Variants in CDH13 observed in about 807,000 individuals in gnomAD.
The protein encoded by CDH13 is cadherin 13, also known as cadherin-13.
Under a neutral mutation model 63.8 loss-of-function variants are expected in CDH13, and 24 were observed. That is an observed-to-expected ratio of 0.38 (90% CI 0.27 to 0.53). The LOEUF (loss-of-function observed/expected upper bound fraction) is 0.53, where lower values mean the gene tolerates loss of function less well. Among genes scored for constraint, CDH13 ranks in the 20% least tolerant of loss-of-function variants. CDH13 has a pLI of 0.85. For synonymous variants in CDH13, 503 were observed against 355.3 expected (o/e 1.42, Z -4.67); for missense variants, 1,049 against 903.1 (o/e 1.16, Z -2.07).
intron 5 of CDH13, among the ~76,000 whole-genome samples, chr16:83,327,217 A>G (rs188835712): frequency 8.5e-5 from 13 of 152,352 alleles, no homozygotes; most frequent in Admixed American, 2.0e-4. Flanking sequence ...ACAAAATCAT[A>G]TACTATCAGT....
In CDH13 at chr16:82,913,228, T is replaced by C. The variant is rs192907657; in HGVS notation, c.157+54755T>C. Among the ~76,000 whole-genome samples the C allele has an allele frequency of 1.5e-3, 231 of 152,280 alleles. 3 individuals are homozygous for C. Among genetic ancestry groups the C allele is most frequent in the African/African-American group, 5.3e-3 (219 of 41,552 alleles). ...ACAAAATGAATTGGAGTTTACCTAT[T>C]TTTTCCAAAGGGCAGGTAGCAGGTC... is the stretch of plus-strand genomic sequence containing the variant. On this transcript the variant is annotated intron_variant, in intron 2 of 13. Transcript: ENST00000567109.
chr16:82,670,655 G>T (rs1339224482), intron 1 of CDH13, among the ~76,000 whole-genome samples: 2 of 152,192 alleles, frequency 1.3e-5, no homozygotes, highest in East Asian at 3.9e-4. Context: ...GCAATGTTCA[G>T]AGTATATAGA....
intron 8 of CDH13, chr16:83,655,227 A>G (rs1224787975): frequency 6.6e-6 from 1 of 152,188 alleles, no homozygotes; most frequent in Non-Finnish European, 1.5e-5. Context: ...TGGCCTTTGG[A>G]TAGCAGGTAC....
At chr16:83,598,376 A>C (rs1289521510) in intron 7 of CDH13, among the ~76,000 whole-genome samples, 1 of 152,192 alleles carries the variant, frequency 6.6e-6, no homozygotes, top group African/African-American at 2.4e-5. Flanking sequence ...AAATAAATAA[A>C]TATTTTTAAA....
At chr16:83,413,789 T>C (rs141239351) in intron 6 of CDH13, among the ~76,000 whole-genome samples, 2,326 of 151,966 alleles carry the variant, frequency 0.015, 128 homozygotes, top group Admixed American at 0.11. Context: ...GGAGTTCGAG[T>C]CCAGCCTGGC....
At chr16:83,243,222 T>C (rs931175429) in intron 5 of CDH13, among the ~76,000 whole-genome samples, 10 of 152,144 alleles carry the variant, frequency 6.6e-5, no homozygotes, top group African/African-American at 2.4e-4. Flanking sequence ...TGTTTCACGC[T>C]GCTGATAAAA....
chr16:83,664,672 T>C (rs1913768251), intron 8 of CDH13, among the ~76,000 whole-genome samples: 1 of 152,074 alleles, frequency 6.6e-6, no homozygotes, highest in Admixed American at 6.6e-5. Flanking sequence ...TGGTGTGAGG[T>C]AGGGGTCAGG....
intron 1 of CDH13, among the ~76,000 whole-genome samples, chr16:82,696,767 CA>C (rs746596755): frequency 2.0e-5 from 3 of 152,144 alleles, no homozygotes; most frequent in Non-Finnish European, 4.4e-5. Flanking sequence ...TAGTGGCTTA[CA>C]AGCAAGTATT....
intron 2 of CDH13, among the ~76,000 whole-genome samples, chr16:83,015,677 G>GTATATATATA (rs71148803): frequency 0.024 from 881 of 37,448 alleles, 94 homozygotes; most frequent in Non-Finnish European, 0.029. Context: ...GTGTGTGTAT[G>GTATATATATA]TATATATATA....
chr16:83,327,909 G>C (rs966175498), intron 5 of CDH13, among the ~76,000 whole-genome samples: 1 of 152,190 alleles, frequency 6.6e-6, no homozygotes, highest in Non-Finnish European at 1.5e-5. Flanking sequence ...GAAGCGGGTG[G>C]ATCACGAAGT....
At chr16:82,842,277 G>A (rs1730303353) in intron 1 of CDH13, among the ~76,000 whole-genome samples, 1 of 150,854 alleles carries the variant, frequency 6.6e-6, no homozygotes, top group African/African-American at 2.4e-5. Flanking sequence ...TTAATCATCA[G>A]GGTAGCTCAG....
intron 5 of CDH13, among the ~76,000 whole-genome samples, chr16:83,335,396 A>ACC (rs2090571293): frequency 6.6e-6 from 1 of 151,542 alleles, no homozygotes; most frequent in Non-Finnish European, 1.5e-5. Context: ...TGAGTCAAAC[A>ACC]CACACACACA....
chr16:82,824,775 C>T (rs550781462), intron 1 of CDH13: 5 of 152,158 alleles, frequency 3.3e-5, no homozygotes, highest in Non-Finnish European at 7.3e-5. Flanking sequence ...ATGTATCAAT[C>T]ATAATCTTTG....
chr16:83,093,208 C>G (rs1294190043), intron 3 of CDH13, among the ~76,000 whole-genome samples: 1 of 147,886 alleles, frequency 6.8e-6, no homozygotes, highest in Non-Finnish European at 1.5e-5. Context: ...TCCAGCCCTT[C>G]TTACATTATT....
intron 2 of CDH13, among the ~76,000 whole-genome samples, chr16:83,007,220 CATG>C: frequency 6.6e-6 from 1 of 152,192 alleles, no homozygotes; most frequent in Admixed American, 6.5e-5. Flanking sequence ...CCGCGCCCAG[CATG>C]ATGACTTAAA....
chr16:83,412,887 G>A (rs1232574675), intron 6 of CDH13, among the ~76,000 whole-genome samples: 4 of 152,088 alleles, frequency 2.6e-5, no homozygotes, highest in Admixed American at 2.6e-4. Context: ...CTCAAAAGGG[G>A]GTTTATTTCA....
intron 11 of CDH13, among the ~76,000 whole-genome samples, chr16:83,765,995 C>T (rs1687792300): frequency 6.6e-6 from 1 of 152,202 alleles, no homozygotes; most frequent in South Asian, 2.1e-4. Flanking sequence ...TTGTACCGCT[C>T]TTGTGTCCAT....
intron 6 of CDH13, among the ~76,000 whole-genome samples, chr16:83,406,351 C>T (rs1051331947): frequency 2.0e-5 from 3 of 152,148 alleles, no homozygotes; most frequent in Admixed American, 6.5e-5. Context: ...CGCCTACACT[C>T]AAGTCTTTGT....
intron 1 of CDH13, among the ~76,000 whole-genome samples, chr16:82,797,840 T>C (rs767352392): frequency 4.6e-5 from 7 of 151,776 alleles, no homozygotes; most frequent in Non-Finnish European, 1.0e-4. Context: ...CTTTTCCCCC[T>C]GTAATAGGAT....
Sources: allele counts gnomAD v4.1 joint callset (sites outside exome capture counted in the v4.1 genomes callset), GRCh38; gene constraint gnomAD v4.1.1; transcripts MANE v1.5; gene names NCBI Gene and HGNC (gene_info 2026-07-23, HGNC 2026-07-21).